Variants in ZFHX3 observed in about 807,000 individuals in gnomAD.
The protein encoded by ZFHX3 is zinc finger homeobox protein 3.
Under a neutral mutation model 279.1 loss-of-function variants are expected in ZFHX3, and 42 were observed. The ratio of observed to expected loss-of-function variants is 0.15; its 90% CI spans 0.12 to 0.19. The LOEUF (loss-of-function observed/expected upper bound fraction) is 0.19. ZFHX3 is among the 10% of genes least tolerant of loss of function. The probability of loss-of-function intolerance (pLI) is 1.00; values close to 1 mark genes in which losing one functional copy is unlikely to be tolerated. For missense variants in ZFHX3, 4,981 were observed against 4,754.0 expected, an observed-to-expected ratio of 1.05 and a Z score of -1.40; for synonymous variants, 2,293 against 1,957.8, an observed-to-expected ratio of 1.17 and a Z score of -4.52.
At chr16:73,235,502 C>T (rs1211806651) in intron 5 of ZFHX3, among the ~76,000 whole-genome samples, 12 of 152,138 alleles carry the variant, frequency 7.9e-5, no homozygotes, top group Admixed American at 7.9e-4. Flanking sequence ...GACCTGTGCA[C>T]ACCAGCCTGA....
At chr16:73,424,835 T>C (rs1405990606) in intron 3 of ZFHX3, among the ~76,000 whole-genome samples, 3 of 150,200 alleles carry the variant, frequency 2.0e-5, no homozygotes, top group Admixed American at 6.6e-5. Context: ...GTAATCACCA[T>C]CTTTCACCAT....
chr16:73,544,904 T>G (rs968901199), intron 2 of ZFHX3, among the ~76,000 whole-genome samples: 2 of 152,156 alleles, frequency 1.3e-5, no homozygotes, highest in South Asian at 2.1e-4. Context: ...AAAAAGATAC[T>G]AAAGTGCTAG....
At chr16:73,062,343 T>TGTGTG (rs1965694021), upstream of ZFHX3, 1 of 152,102 alleles carries the variant, frequency 6.6e-6, no homozygotes, top group Admixed American at 6.6e-5. Flanking sequence ...TTTGTGTGAG[T>TGTGTG]ATGTGAATAT....
At chr16:73,094,634 C>T (rs769820980) in intron 7 of ZFHX3, 8 of 151,964 alleles carry the variant, frequency 5.3e-5, no homozygotes, top group Admixed American at 2.0e-4. Flanking sequence ...TGGGTCCACA[C>T]CAACAAGGAC....
At chr16:72,929,201 G>A (rs565096100) in intron 3 of ZFHX3, among the ~76,000 whole-genome samples, 2 of 149,812 alleles carry the variant, frequency 1.3e-5, no homozygotes, top group East Asian at 2.0e-4. Context: ...TGGCGCCACT[G>A]CACTCCAGCC....
chr16:73,288,800 C>T (rs771025122), intron 4 of ZFHX3, among the ~76,000 whole-genome samples: 73 of 151,842 alleles, frequency 4.8e-4, no homozygotes, highest in Non-Finnish European at 8.2e-4. Flanking sequence ...GGTAAATAAC[C>T]GCCCGTTTTC....
At chr16:73,168,217 TTC>T (rs1181775770) in intron 5 of ZFHX3, among the ~76,000 whole-genome samples, 183 of 108,646 alleles carry the variant, frequency 1.7e-3, no homozygotes, top group African/African-American at 7.7e-3. Context: ...TTTGTTTTCT[TTC>T]TTTCTTTCTT....
intron 2 of ZFHX3, among the ~76,000 whole-genome samples, chr16:73,526,052 T>A (rs16972110): frequency 0.35 from 53,969 of 152,038 alleles, 10,794 homozygotes; most frequent in East Asian, 0.61. Flanking sequence ...AACATAAAGA[T>A]GAGGACGTGC....
At chr16:73,364,509 C>T (rs747254768) in intron 3 of ZFHX3, among the ~76,000 whole-genome samples, 1 of 152,094 alleles carries the variant, frequency 6.6e-6, no homozygotes, top group Non-Finnish European at 1.5e-5. Flanking sequence ...TGTATAATCA[C>T]TCTACTAAGC....
intron 2 of ZFHX3, among the ~76,000 whole-genome samples, chr16:73,500,702 A>G (rs1449196298): frequency 4.6e-5 from 7 of 151,680 alleles, no homozygotes; most frequent in Non-Finnish European, 7.4e-5. Context: ...AAAAAAAAAA[A>G]AAAAAAACCT....
intron 2 of ZFHX3, among the ~76,000 whole-genome samples, chr16:73,537,314 C>CTTCTTTTTTTTTTTTT (rs2019919924): frequency 1.3e-5 from 1 of 77,596 alleles, no homozygotes; most frequent in African/African-American, 4.2e-5. Context: ...CTTTCTTCTT[C>CTTCTTTTTTTTTTTTT]TTTTTTTTTT....
chr16:73,890,855 C>T (rs2030511365), intron 1 of ZFHX3, among the ~76,000 whole-genome samples: 1 of 152,132 alleles, frequency 6.6e-6, no homozygotes, highest in African/African-American at 2.4e-5. Context: ...GTGTAATCAT[C>T]GCAATCAGCA....
chr16:73,050,910 C>T (rs1245299728), upstream of ZFHX3, among the ~76,000 whole-genome samples: 1 of 152,222 alleles, frequency 6.6e-6, no homozygotes, highest in African/African-American at 2.4e-5. Context: ...CTACTCCTCC[C>T]CTTACCCACT....
rs142589312 is a variant in ZFHX3, at chr16:73,674,240, T to TA, written c.-1547+5939dup. On this transcript the variant is annotated intron_variant, in intron 2 of 17. Coordinates refer to the ZFHX3 transcript ENST00000641206. ...TCACTATAAAAGGCATAGAAAATTA[T>TA]AAAAAAATAGAATACAAAAAAGTAA... 8.9e-4 allele frequency among the ~76,000 whole-genome samples: 135 copies of TA among 151,804 alleles called. 1 individual carries two copies. The highest frequency in any genetic ancestry group is 3.1e-3 in the African/African-American group (127 of 41,354).
intron 1 of ZFHX3, among the ~76,000 whole-genome samples, chr16:73,735,262 G>C (rs1355625145): frequency 1.3e-5 from 2 of 151,752 alleles, no homozygotes; most frequent in Non-Finnish European, 2.9e-5. Context: ...TCAGAGACCT[G>C]AGTCATAGGG....
At chr16:73,447,525 T>C (rs965960367) in intron 3 of ZFHX3, among the ~76,000 whole-genome samples, 5 of 152,154 alleles carry the variant, frequency 3.3e-5, no homozygotes, top group South Asian at 4.1e-4. Flanking sequence ...ATTTCAAGAT[T>C]AGAAGCTCTC....
At chr16:73,523,620 GGT>G (rs1491334564) in intron 2 of ZFHX3, among the ~76,000 whole-genome samples, 2 of 91,534 alleles carry the variant, frequency 2.2e-5, no homozygotes, top group Non-Finnish European at 4.3e-5. Context: ...ATGGAAGCTG[GGT>G]TTTTTTTTTT....
At chr16:73,883,449 TGTG>T (rs2030242496) in intron 1 of ZFHX3, among the ~76,000 whole-genome samples, 1 of 151,824 alleles carries the variant, frequency 6.6e-6, no homozygotes, top group Non-Finnish European at 1.5e-5. Context: ...GTATTTATAA[TGTG>T]GACATGATAT....
chr16:73,687,333 A>G (rs2142203136), intron 1 of ZFHX3, among the ~76,000 whole-genome samples: 1 of 151,220 alleles, frequency 6.6e-6, no homozygotes. Flanking sequence ...TGGAGGCTGC[A>G]GTGAGCACCA....
Sources: allele counts gnomAD v4.1 joint callset (sites outside exome capture counted in the v4.1 genomes callset), GRCh38; gene constraint gnomAD v4.1.1; transcripts MANE v1.5; gene names NCBI Gene and HGNC (gene_info 2026-07-23, HGNC 2026-07-21).